KIAA1958: variants seen among roughly 807,000 people sequenced by gnomAD.
The protein encoded by KIAA1958 is KIAA1958.
In KIAA1958, 14 loss-of-function variants were observed where a neutral mutation model predicts 47.2. The ratio of observed to expected loss-of-function variants is 0.30; its 90% CI spans 0.20 to 0.46. KIAA1958 has a LOEUF of 0.46. Among genes scored for constraint, KIAA1958 ranks in the 20% least tolerant of loss-of-function variants. The pLI, the probability that KIAA1958 is intolerant of heterozygous loss-of-function variation, is 1.00. For missense variants in KIAA1958, 803 were observed against 909.2 expected (o/e 0.88, Z 1.50); for synonymous variants, 354 against 353.3 (o/e 1.00, Z -0.02).
chr9:112,642,897 A>C (rs1438383875), intron 2 of KIAA1958, among the ~76,000 whole-genome samples: 1 of 152,256 alleles, frequency 6.6e-6, no homozygotes, highest in Non-Finnish European at 1.5e-5. Flanking sequence ...CTGTCCCATT[A>C]TGTAAGCAGA....
intron 3 of KIAA1958, among the ~76,000 whole-genome samples, chr9:112,655,401 C>T (rs576592507): frequency 3.9e-5 from 6 of 152,144 alleles, no homozygotes; most frequent in Admixed American, 2.0e-4. Flanking sequence ...CCAACAAAAA[C>T]TTATGGCACT....
intron 2 of KIAA1958, among the ~76,000 whole-genome samples, chr9:112,611,314 A>G (rs1836323077): frequency 6.6e-6 from 1 of 152,166 alleles, no homozygotes; most frequent in Non-Finnish European, 1.5e-5. Context: ...ATGTAATTGT[A>G]TACTTGGAAT....
intron 2 of KIAA1958, among the ~76,000 whole-genome samples, chr9:112,628,954 T>C (rs1012026400): frequency 8.5e-5 from 13 of 152,292 alleles, no homozygotes; most frequent in African/African-American, 3.1e-4. Context: ...TGAAACCTGG[T>C]GGGAAGATGA....
chr9:112,612,855 A>C (rs943231692), intron 2 of KIAA1958, among the ~76,000 whole-genome samples: 11 of 152,218 alleles, frequency 7.2e-5, no homozygotes, highest in African/African-American at 2.2e-4. Flanking sequence ...CAGGATGCAA[A>C]TAATGGAAAT....
chr9:112,522,220 C>T (rs1297459601), intron 1 of KIAA1958, among the ~76,000 whole-genome samples: 1 of 152,216 alleles, frequency 6.6e-6, no homozygotes, highest in Non-Finnish European at 1.5e-5. Flanking sequence ...ATTCACCCGC[C>T]TCGGCCTCCC....
intron 2 of KIAA1958, among the ~76,000 whole-genome samples, chr9:112,624,148 C>T (rs540031476): frequency 1.8e-4 from 27 of 152,230 alleles, no homozygotes; most frequent in African/African-American, 6.0e-4. Flanking sequence ...TCTTTTAAAG[C>T]GTTCATTAAA....
At position 112,502,987 on chromosome 9, in the gene KIAA1958, T is replaced by C. The variant is rs147680805; in HGVS notation, c.-25+15869T>C. 1.2e-4 allele frequency among the ~76,000 whole-genome samples: 19 copies of C among 152,338 alleles called. No individual in the cohort carries two copies. The East Asian group carries it at 3.7e-3, about 29-fold the overall frequency. The stretch of plus-strand genomic sequence containing the variant: ...ACAAATATCTAATGGGTATTCACCA[T>C]GTGTTAGGTACTTTTCTAGATGCTA... On this transcript the variant is annotated intron_variant, in intron 1 of 3. Coordinates refer to ENST00000337530, the MANE Select transcript of KIAA1958 (RefSeq NM_133465.4).
In KIAA1958 at chr9:112,634,832, G is replaced by A. The variant is rs187559276; in HGVS notation, c.1172-10818G>A. Among the ~76,000 whole-genome samples, 4 of 152,208 alleles carry A rather than the reference G, an allele frequency of 2.6e-5. No individual in the cohort carries two copies. In the East Asian group the frequency reaches 7.7e-4, roughly 29 times the overall value. ...ATTTTGATCAATCTTTTACTTTAGGGGTAGTGATTTTGATGTCCTATTTAG... is the reference window on the plus strand; with the variant it reads ...ATTTTGATCAATCTTTTACTTTAGGAGTAGTGATTTTGATGTCCTATTTAG... On this transcript the variant is annotated intron_variant, in intron 2 of 3. Coordinates refer to ENST00000337530, the MANE Select transcript of KIAA1958 (RefSeq NM_133465.4).
intron 3 of KIAA1958, among the ~76,000 whole-genome samples, chr9:112,654,693 C>CAAA: frequency 8.9e-6 from 1 of 111,806 alleles, no homozygotes; most frequent in East Asian, 2.3e-4. Flanking sequence ...CATAAAAATC[C>CAAA]AAAAAAAAAA....
chr9:112,593,808 CA>C (rs1835966868), intron 2 of KIAA1958, among the ~76,000 whole-genome samples: 1 of 151,958 alleles, frequency 6.6e-6, no homozygotes, highest in Admixed American at 6.6e-5. Context: ...ATACCCTCCT[CA>C]AGCACCAACT....
At position 112,636,106 on chromosome 9, in the gene KIAA1958, TTA is replaced by T. The variant is rs201809065; in HGVS notation, c.1172-9531_1172-9530del. On this transcript the variant is annotated intron_variant, in intron 2 of 3. Transcript: ENST00000337530. The stretch of plus-strand genomic sequence containing the variant: ...CTTTTACCAGAAAGAATTGTTTATT[TTA>T]TATATATATATACTATACATATATC... Among the ~76,000 whole-genome samples, 1,454 of 147,894 alleles carry T rather than the reference TTA, an allele frequency of 9.8e-3. 15 individuals are homozygous for T. The highest frequency in any genetic ancestry group is 0.033 in the African/African-American group (1,348 of 40,808).
chr9:112,627,797 A>G (rs890210931), intron 2 of KIAA1958, among the ~76,000 whole-genome samples: 14 of 152,184 alleles, frequency 9.2e-5, no homozygotes, highest in African/African-American at 3.4e-4. Flanking sequence ...TATTTCCTTT[A>G]TTAAGAACCA....
intron 2 of KIAA1958, among the ~76,000 whole-genome samples, chr9:112,598,225 C>A (rs2806315): frequency 0.96 from 146,048 of 152,266 alleles, 70,088 homozygotes; most frequent in African/African-American, 0.99. Context: ...GCTTTGAGAG[C>A]GAAGATGCCT....
chr9:112,627,131 A>G (rs565100316), intron 2 of KIAA1958, among the ~76,000 whole-genome samples: 1 of 152,334 alleles, frequency 6.6e-6, no homozygotes, highest in South Asian at 2.1e-4. Flanking sequence ...AAGTGGTGCC[A>G]AACTTGAAAA....
intron 1 of KIAA1958, among the ~76,000 whole-genome samples, chr9:112,543,236 T>TGTTC (rs1462381185): frequency 6.6e-6 from 1 of 151,742 alleles, no homozygotes; most frequent in East Asian, 1.9e-4. Context: ...GTTGTTTGTT[T>TGTTC]GTTTGTTTGT....
chr9:112,583,838 G>T (rs996240634), intron 2 of KIAA1958, among the ~76,000 whole-genome samples: 1 of 152,138 alleles, frequency 6.6e-6, no homozygotes, highest in African/African-American at 2.4e-5. Flanking sequence ...CGAGGAGGGG[G>T]TAATGGAAAC....
chr9:112,663,006 G>C lies in KIAA1958; in HGVS notation c.*2937G>C, dbSNP rs1405761980. ...GAAAGGAGAATCCCCAGAGAAAGAAGTGGGGAGGTAAAGAGCGTTTTCTCC... is the reference window on the plus strand; with the variant it reads ...GAAAGGAGAATCCCCAGAGAAAGAACTGGGGAGGTAAAGAGCGTTTTCTCC... On this transcript the variant is annotated 3_prime_UTR_variant, in exon 4 of 4. Coordinates refer to ENST00000337530, the MANE Select transcript of KIAA1958 (RefSeq NM_133465.4). 6.6e-6 allele frequency: 1 copy of C among 152,210 alleles called. No individual in the cohort carries two copies. The highest frequency in any genetic ancestry group is 1.5e-5 in the Non-Finnish European group (1 of 68,044). The allele number at this position is 152,210 out of a possible 1,614,324, so 9.4% of individuals were successfully genotyped here. A position where few individuals can be genotyped will look rare whatever the true frequency, so the allele number is the denominator to read the frequency against.
At chr9:112,619,557 G>C (rs1383676345) in intron 2 of KIAA1958, among the ~76,000 whole-genome samples, 1 of 151,950 alleles carries the variant, frequency 6.6e-6, no homozygotes, top group African/African-American at 2.4e-5. Context: ...TTTCTTTTTG[G>C]GGGGAAAGGG....
At chr9:112,527,039 T>C (rs547680744) in intron 1 of KIAA1958, among the ~76,000 whole-genome samples, 67 of 152,192 alleles carry the variant, frequency 4.4e-4, no homozygotes, top group Admixed American at 9.2e-4. Context: ...TAGATAATAT[T>C]GTTTGGGCAC....
Sources: gnomAD v4.1 joint callset for allele counts (sites outside exome capture counted in the v4.1 genomes callset) on GRCh38, gnomAD v4.1.1 for gene constraint, MANE v1.5 for transcripts, NCBI Gene and HGNC (gene_info 2026-07-23, HGNC 2026-07-21) for gene names.